PLEKHG4B: variants seen among roughly 807,000 people sequenced by gnomAD.
PLEKHG4B encodes pleckstrin homology and RhoGEF domain containing G4B, also known as pleckstrin homology domain-containing family G member 4B.
Under a neutral mutation model 121.3 loss-of-function variants are expected in PLEKHG4B, and 111 were observed. That is an observed-to-expected ratio of 0.92 (90% CI 0.78 to 1.07). The LOEUF is 1.07. Among genes scored for constraint, PLEKHG4B ranks in the 50% least tolerant of loss-of-function variants. The pLI is 0.00. For missense variants in PLEKHG4B, 1,831 were observed against 1,757.8 expected (o/e 1.04, Z -0.74); for synonymous variants, 738 against 725.0 (o/e 1.02, Z -0.29).
chr5:112,221 G>C (rs565181672), intron 1 of PLEKHG4B, among the ~76,000 whole-genome samples: 2 of 152,324 alleles, frequency 1.3e-5, no homozygotes, highest in South Asian at 4.1e-4. Context: ...ACCCAGCCCT[G>C]AGCTTCCCTG....
Position 188,992 on chromosome 5 carries a change from G to A in PLEKHG4B, c.*6669G>A, listed in dbSNP as rs1011936722. 3 of 152,298 alleles carry A rather than the reference G, an allele frequency of 2.0e-5. No homozygotes were observed. Among genetic ancestry groups the A allele is most frequent in the African/African-American group, 7.2e-5 (3 of 41,474 alleles). 9.4% of individuals were successfully genotyped at this position (152,298 alleles called of 1,614,324 possible). A position where few individuals can be genotyped will look rare whatever the true frequency, so the allele number is the denominator to read the frequency against. On this transcript the variant is annotated 3_prime_UTR_variant, in exon 20 of 20. Coordinates refer to ENST00000637938, the MANE Select transcript of PLEKHG4B (RefSeq NM_052909.5). ...CTTCTGACAGCTGGGATGGAGGTGG[G>A]TCCTCCAGGGAGTGCCCCAGTCCTC...
intron 13 of PLEKHG4B, among the ~76,000 whole-genome samples, chr5:166,403 G>A (rs375443174): frequency 2.4e-5 from 3 of 127,170 alleles, no homozygotes; most frequent in Admixed American, 7.5e-5. Flanking sequence ...CTGACGGGGC[G>A]GAGCTCACAC....
At chr5:169,663 A>G in intron 14 of PLEKHG4B, 71 bp downstream of exon 14, 1 of 1,579,192 alleles carries the variant, frequency 6.3e-7, no homozygotes, top group Non-Finnish European at 8.6e-7. Context: ...GGCGGGGCCT[A>G]CAGGGCCCAC....
At chr5:166,606 T>C (rs1337244447) in intron 13 of PLEKHG4B, among the ~76,000 whole-genome samples, 1 of 151,816 alleles carries the variant, frequency 6.6e-6, no homozygotes, top group East Asian at 1.9e-4. Flanking sequence ...GAGGCGGAGC[T>C]CAGGTGGCAA....
Position 181,620 on chromosome 5 carries a change from T to C in PLEKHG4B, c.4509T>C (p.Ala1503=). 6.2e-7 allele frequency: 1 copy of C among 1,613,676 alleles called. No homozygotes were observed. Among genetic ancestry groups the C allele is most frequent in the Non-Finnish European group, 8.5e-7 (1 of 1,179,714 alleles). Residue 1503 remains alanine (A), a synonymous_variant, in exon 19 of 20, where the codon GCT becomes GCC. Coordinates refer to ENST00000637938, the MANE Select transcript of PLEKHG4B (RefSeq NM_052909.5). ...TPDCAVISDR[A]PKCAVMSDRV... is the part of the protein sequence containing the mutation. ...ACTGTGCAGTGATAAGCGACCGGGC[T>C]CCCAAATGTGCAGTGATGAGCGACC... is the stretch of plus-strand genomic sequence containing the variant.
intron 18 of PLEKHG4B, among the ~76,000 whole-genome samples, chr5:174,808 T>C (rs1030391038): frequency 6.6e-6 from 1 of 152,126 alleles, no homozygotes; most frequent in African/African-American, 2.4e-5. Context: ...CTCTCTGGTC[T>C]GAGCCAGGAA....
intron 2 of PLEKHG4B, among the ~76,000 whole-genome samples, chr5:115,130 C>G (rs910245001): frequency 1.8e-4 from 27 of 152,242 alleles, no homozygotes; most frequent in African/African-American, 6.3e-4. Context: ...CAAAATTACT[C>G]TTGAGCCATA....
chr5:188,690 G>A lies in PLEKHG4B; in HGVS notation c.*6367G>A, dbSNP rs938728596. ...AGAACGCCCATGACACCAGCTGGGTGGAGCTGCCGCCGAGTCCACGCCCCG... is the reference window on the plus strand; with the variant it reads ...AGAACGCCCATGACACCAGCTGGGTAGAGCTGCCGCCGAGTCCACGCCCCG... On this transcript the variant is annotated 3_prime_UTR_variant, in exon 20 of 20. Coordinates refer to ENST00000637938, the MANE Select transcript of PLEKHG4B (RefSeq NM_052909.5). 5.3e-5 allele frequency: 8 copies of A among 152,276 alleles called. No homozygotes were observed. The highest frequency in any genetic ancestry group is 1.5e-5 in the Non-Finnish European group (1 of 68,068). 9.4% of individuals were successfully genotyped at this position (152,276 alleles called of 1,614,324 possible).
chr5:135,665 C>CA (rs139636561), intron 2 of PLEKHG4B, among the ~76,000 whole-genome samples: 290 of 18,070 alleles, frequency 0.016, 18 homozygotes, highest in South Asian at 0.021. Context: ...GACTCCATCT[C>CA]AAAAAAAAAA....
In PLEKHG4B at chr5:173,184, G is replaced by A. The variant is rs1312138128; in HGVS notation, c.4221+117G>A. 4.1e-6 allele frequency: 4 copies of A among 975,954 alleles called. No homozygotes were observed. The African/African-American group carries it at 6.5e-5, about 16-fold the overall frequency. 60.5% of individuals were successfully genotyped at this position (975,954 alleles called of 1,614,324 possible). A position where few individuals can be genotyped will look rare whatever the true frequency, so the allele number is the denominator to read the frequency against. On this transcript the variant is annotated intron_variant, in intron 17 of 19. Coordinates refer to ENST00000637938, the MANE Select transcript of PLEKHG4B (RefSeq NM_052909.5). ...CTGGGAGGGAGTGAAGCGGGGAGGA[G>A]CCGCACTGCGATGTTTGTTTTCTGC...
Position 119,002 on chromosome 5 carries a change from C to T in PLEKHG4B, c.243+5554C>T, listed in dbSNP as rs552579775. On this transcript the variant is annotated intron_variant, in intron 2 of 19. Transcript: ENST00000637938. ...ACTAGCTAGGACTACAGGCGTGTGC[C>T]ACCACACCTGGCTAATTATTTTATT... 5.9e-5 allele frequency among the ~76,000 whole-genome samples: 9 copies of T among 152,098 alleles called. No individual in the cohort carries two copies. In the East Asian group the frequency reaches 1.7e-3, roughly 29 times the overall value.
At chr5:103,625 CATGTG>C (rs1199917941) in intron 1 of PLEKHG4B, among the ~76,000 whole-genome samples, 1 of 152,126 alleles carries the variant, frequency 6.6e-6, no homozygotes, top group Non-Finnish European at 1.5e-5. Context: ...TTTTGGGGTA[CATGTG>C]ATATTTTGAT....
At position 162,900 on chromosome 5, in the gene PLEKHG4B, T is replaced by C; in HGVS notation, c.2828T>C (p.Leu943Pro). ...AAACCGTGGGCATCACAGCAAGACC[T>C]GTGGCTGCAGTACCCCCAGACCCGG... ...LGKPWASQQD[L>P]WLQYPQTRLR... Residue 943 changes from leucine to proline, a missense_variant, in exon 13 of 20, where the codon CTG becomes CCG. Physicochemically the swap from Leu to Pro is moderately conservative, Grantham distance 98. Coordinates refer to ENST00000637938, the MANE Select transcript of PLEKHG4B (RefSeq NM_052909.5). 2.6e-6 allele frequency: 4 copies of C among 1,533,990 alleles called. No homozygotes were observed. The highest frequency in any genetic ancestry group is 3.5e-6 in the Non-Finnish European group (4 of 1,139,638).
intron 1 of PLEKHG4B, among the ~76,000 whole-genome samples, chr5:92,995 A>G (rs1733518103): frequency 6.6e-6 from 1 of 152,118 alleles, no homozygotes; most frequent in Non-Finnish European, 1.5e-5. Context: ...CAAAAAGTAT[A>G]TTGGGTTTGC....
chr5:133,735 A>T (rs956849507), intron 2 of PLEKHG4B, among the ~76,000 whole-genome samples: 1 of 152,078 alleles, frequency 6.6e-6, no homozygotes, highest in Non-Finnish European at 1.5e-5. Context: ...TCCTTAAAGA[A>T]CTAAAAGTAG....
chr5:135,684 T>TATATATATAC (rs1734956792), intron 2 of PLEKHG4B, among the ~76,000 whole-genome samples: 2 of 25,266 alleles, frequency 7.9e-5, no homozygotes, highest in Non-Finnish European at 1.4e-4. Context: ...AAAAAAAAAA[T>TATATATATAC]ATATATATAT....
chr5:110,795 G>A (rs1461636120), intron 1 of PLEKHG4B, among the ~76,000 whole-genome samples: 3 of 152,400 alleles, frequency 2.0e-5, no homozygotes, highest in Admixed American at 2.0e-4. Flanking sequence ...CACCCGCACC[G>A]TCTGTCCCTC....
intron 1 of PLEKHG4B, among the ~76,000 whole-genome samples, chr5:111,169 G>A (rs745841621): frequency 6.6e-4 from 101 of 152,360 alleles, no homozygotes; most frequent in Admixed American, 2.3e-3. Context: ...CACACACTCC[G>A]CCCTCAAAGG....
In PLEKHG4B at chr5:132,110, A is replaced by G. The variant is rs538741245; in HGVS notation, c.244-7373A>G. Among the ~76,000 whole-genome samples, 4 of 152,306 alleles carry G rather than the reference A, an allele frequency of 2.6e-5. No homozygotes were observed. The East Asian group carries it at 5.8e-4, about 22-fold the overall frequency. On this transcript the variant is annotated intron_variant, in intron 2 of 19. Transcript: ENST00000637938. Reference sequence around the variant, plus strand: ...TTCCTCTGATACCAGGAACAAGACAAGGATGCGCACTTTCACCACTTCTAT... The same window carrying G: ...TTCCTCTGATACCAGGAACAAGACAGGGATGCGCACTTTCACCACTTCTAT...
Sources: allele counts gnomAD v4.1 joint callset (sites outside exome capture counted in the v4.1 genomes callset), GRCh38; gene constraint gnomAD v4.1.1; transcripts MANE v1.5; gene names NCBI Gene and HGNC (gene_info 2026-07-23, HGNC 2026-07-21).